The following PKP4 variants were observed in gnomAD, a reference collection of about 807,000 sequenced individuals.
PKP4 encodes plakophilin-4.
Under a neutral mutation model 145.1 loss-of-function variants are expected in PKP4, and 90 were observed. The ratio of observed to expected loss-of-function variants is 0.62; its 90% CI spans 0.52 to 0.74. The LOEUF (loss-of-function observed/expected upper bound fraction) is 0.74. PKP4 is among the 30% of genes least tolerant of loss of function. PKP4 has a pLI of 0.00. For synonymous variants in PKP4, 563 were observed against 577.2 expected (o/e 0.98, Z 0.35); for missense variants, 1,340 against 1,482.7 (o/e 0.90, Z 1.58).
chr2:158,624,900 T>C lies in PKP4; in HGVS notation c.626T>C (p.Met209Thr), dbSNP rs2052610365. ...LVQPSVANRA[M>T]RRVSSVPSRA... ...CAGCCATCAGTAGCCAATCGGGCCATGAGAAGAGTTAGTTCAGTTCCATCT... is the reference window on the plus strand; with the variant it reads ...CAGCCATCAGTAGCCAATCGGGCCACGAGAAGAGTTAGTTCAGTTCCATCT... Residue 209 changes from methionine (M) to threonine (T), a missense_variant, in exon 7 of 22, where the codon ATG (methionine) becomes ACG (threonine). By Grantham distance (81) the Met-to-Thr change is moderately conservative. Transcript: ENST00000389759. The C allele has an allele frequency of 9.4e-6, 15 of 1,594,856 alleles. No individual in the cohort carries two copies. The highest frequency in any genetic ancestry group is 4.5e-5 in the East Asian group (2 of 44,446).
chr2:158,536,721 T>G (rs1320038432), intron 2 of PKP4, among the ~76,000 whole-genome samples: 1 of 152,190 alleles, frequency 6.6e-6, no homozygotes, highest in Non-Finnish European at 1.5e-5. Context: ...AGTGATAACC[T>G]CTCACAGTGG....
intron 11 of PKP4, among the ~76,000 whole-genome samples, chr2:158,645,162 A>G (rs2054703648): frequency 6.6e-6 from 1 of 152,230 alleles, no homozygotes; most frequent in Non-Finnish European, 1.5e-5. Context: ...GGAATGGACC[A>G]TCTGCCTTAA....
intron 4 of PKP4, among the ~76,000 whole-genome samples, chr2:158,605,355 A>T (rs946025694): frequency 6.6e-6 from 1 of 152,204 alleles, no homozygotes; most frequent in African/African-American, 2.4e-5. Context: ...TGAGTAAATG[A>T]GGTGAATATT....
chr2:158,643,718 A>AAAAAAAAG lies in PKP4; in HGVS notation c.1909+1026_1909+1027insGAAAAAAA, dbSNP rs2054537580. On this transcript the variant is annotated intron_variant, in intron 11 of 21. Transcript: ENST00000389759. Reference sequence around the variant, plus strand: ...GACAAGTGAGGCCCTGTTTCAAAAAAAAAAAAAAAAGAAAAGAAAACAAGG... The same window carrying AAAAAAAAG: ...GACAAGTGAGGCCCTGTTTCAAAAAAAAAAAAAGAAAAAAAAAAGAAAAGAAAACAAGG... 4.2e-5 allele frequency among the ~76,000 whole-genome samples: 5 copies of AAAAAAAAG among 118,972 alleles called. No homozygotes were observed. In the Admixed American group the frequency reaches 5.0e-4, roughly 12 times the overall value. The allele number at this position is 118,972 out of a possible 152,430, so 78.1% of individuals were successfully genotyped here. A position where few individuals can be genotyped will look rare whatever the true frequency, so the allele number is the denominator to read the frequency against.
chr2:158,569,372 T>C (rs1350906197), intron 2 of PKP4, among the ~76,000 whole-genome samples: 1 of 152,170 alleles, frequency 6.6e-6, no homozygotes, highest in Admixed American at 6.5e-5. Context: ...GTTGCACTTT[T>C]CTTTGATCGT....
intron 1 of PKP4, among the ~76,000 whole-genome samples, chr2:158,507,844 A>G (rs772250596): frequency 6.6e-6 from 1 of 151,386 alleles, no homozygotes. Flanking sequence ...AGCTCTCTAA[A>G]TTTTTTCTGC....
intron 1 of PKP4, among the ~76,000 whole-genome samples, chr2:158,494,354 T>C (rs1287521923): frequency 6.6e-6 from 1 of 152,164 alleles, no homozygotes; most frequent in Non-Finnish European, 1.5e-5. Flanking sequence ...GAAATATCAA[T>C]TGTGCCAAAT....
chr2:158,511,632 T>C (rs565239333), intron 1 of PKP4, among the ~76,000 whole-genome samples: 1 of 152,298 alleles, frequency 6.6e-6, no homozygotes, highest in East Asian at 1.9e-4. Context: ...AATTTCCTTC[T>C]AGAAAACAGT....
chr2:158,548,084 A>G (rs2045245380), intron 2 of PKP4, among the ~76,000 whole-genome samples: 2 of 152,238 alleles, frequency 1.3e-5, no homozygotes, highest in Admixed American at 6.5e-5. Flanking sequence ...AATGGCAGAC[A>G]GGGATTCAGA....
chr2:158,551,537 T>C (rs1354597264), intron 2 of PKP4, among the ~76,000 whole-genome samples: 1 of 152,214 alleles, frequency 6.6e-6, no homozygotes, highest in Non-Finnish European at 1.5e-5. Flanking sequence ...TTAAAAGAGA[T>C]AACAGCCATT....
At chr2:158,483,377 T>TC (rs1265079182) in intron 1 of PKP4, among the ~76,000 whole-genome samples, 1 of 38,598 alleles carries the variant, frequency 2.6e-5, no homozygotes, top group Non-Finnish European at 7.7e-5. Context: ...GTTTTTTTTT[T>TC]TAAATCATTT....
intron 17 of PKP4, among the ~76,000 whole-genome samples, chr2:158,671,706 C>T (rs1000979687): frequency 2.0e-5 from 3 of 152,222 alleles, no homozygotes; most frequent in South Asian, 2.1e-4. Flanking sequence ...CAGCCCCACC[C>T]GAGGTAGCTT....
At chr2:158,492,072 G>T (rs1054653111) in intron 1 of PKP4, among the ~76,000 whole-genome samples, 4 of 152,070 alleles carry the variant, frequency 2.6e-5, no homozygotes, top group Non-Finnish European at 4.4e-5. Flanking sequence ...GTCTCCCAAA[G>T]TGCTGGGATT....
chr2:158,618,667 T>C (rs553912418), intron 4 of PKP4, among the ~76,000 whole-genome samples: 1 of 152,300 alleles, frequency 6.6e-6, no homozygotes, highest in South Asian at 2.1e-4. Flanking sequence ...TTTCTGAGAA[T>C]ATGTTTCATT....
chr2:158,642,182 C>T (rs922914912), intron 10 of PKP4, among the ~76,000 whole-genome samples: 1 of 152,112 alleles, frequency 6.6e-6, no homozygotes, highest in Non-Finnish European at 1.5e-5. Context: ...CCTCAACACC[C>T]AGCTAAGTTT....
chr2:158,581,604 G>A (rs1304849446), intron 3 of PKP4, among the ~76,000 whole-genome samples: 2 of 152,146 alleles, frequency 1.3e-5, no homozygotes, highest in Non-Finnish European at 2.9e-5. Flanking sequence ...ACAAACTGTG[G>A]AATCCTCTTC....
intron 2 of PKP4, among the ~76,000 whole-genome samples, chr2:158,569,901 C>T (rs2047285746): frequency 6.6e-6 from 1 of 152,150 alleles, no homozygotes; most frequent in Non-Finnish European, 1.5e-5. Context: ...GACCCGGAAC[C>T]CTTCCTTTAA....
At chr2:158,583,313 C>A (rs1456954208) in intron 3 of PKP4, among the ~76,000 whole-genome samples, 4 of 152,178 alleles carry the variant, frequency 2.6e-5, no homozygotes, top group Non-Finnish European at 5.9e-5. Flanking sequence ...CTGTACCTAT[C>A]TACTCCTCCC....
intron 9 of PKP4, 95 bp from the exon 10 acceptor site, chr2:158,640,532 C>A: frequency 1.5e-6 from 2 of 1,359,246 alleles, no homozygotes; most frequent in Non-Finnish European, 2.0e-6. Flanking sequence ...CCATTTTTGT[C>A]TCAGCTGAGC....
Sources: allele counts gnomAD v4.1 joint callset (sites outside exome capture counted in the v4.1 genomes callset), GRCh38; gene constraint gnomAD v4.1.1; transcripts MANE v1.5; gene names NCBI Gene and HGNC (gene_info 2026-07-23, HGNC 2026-07-21).